The following MGAT4C variants were observed in gnomAD, a reference collection of about 807,000 sequenced individuals.
MGAT4C encodes the protein alpha-1,3-mannosyl-glycoprotein 4-beta-N-acetylglucosaminyltransferase C.
In MGAT4C, 19 loss-of-function variants were observed where a neutral mutation model predicts 40.1. That is an observed-to-expected ratio of 0.47 (90% CI 0.33 to 0.70). MGAT4C has a LOEUF of 0.70. Among genes scored for constraint, MGAT4C ranks in the 30% least tolerant of loss-of-function variants. The pLI is 0.02. For synonymous variants in MGAT4C, 181 were observed against 187.1 expected (o/e 0.97, Z 0.27); for missense variants, 491 against 563.2 (o/e 0.87, Z 1.30).
chr12:86,359,061 G>A (rs1357448909), intron 3 of MGAT4C, among the ~76,000 whole-genome samples: 1 of 152,092 alleles, frequency 6.6e-6, no homozygotes, highest in Non-Finnish European at 1.5e-5. Flanking sequence ...TTCCAAAATT[G>A]ACCACATAGT....
chr12:86,828,423 A>G (rs1952851181), intron 1 of MGAT4C, among the ~76,000 whole-genome samples: 1 of 151,482 alleles, frequency 6.6e-6, no homozygotes, highest in Non-Finnish European at 1.5e-5. Flanking sequence ...TACTTTCATA[A>G]CAAACTTTTA....
At chr12:86,109,952 T>A (rs1327378873) in intron 1 of MGAT4C, among the ~76,000 whole-genome samples, 2 of 151,202 alleles carry the variant, frequency 1.3e-5, no homozygotes, top group African/African-American at 4.9e-5. Context: ...GTGGGAAAGG[T>A]GCCTGGAGAA....
chr12:86,572,126 G>T (rs1450633458), intron 2 of MGAT4C, among the ~76,000 whole-genome samples: 2 of 152,164 alleles, frequency 1.3e-5, no homozygotes. Context: ...AAAATGGAGA[G>T]AATTTCTTAA....
intron 2 of MGAT4C, among the ~76,000 whole-genome samples, chr12:86,515,519 T>A (rs1958668213): frequency 2.0e-5 from 3 of 152,136 alleles, no homozygotes; most frequent in African/African-American, 7.2e-5. Context: ...TTTTTAAAAT[T>A]TCTATTTTAA....
At chr12:86,533,725 G>A (rs186890277) in intron 2 of MGAT4C, among the ~76,000 whole-genome samples, 1 of 151,054 alleles carries the variant, frequency 6.6e-6, no homozygotes, top group East Asian at 2.0e-4. Context: ...AAAATTCTAA[G>A]CCACACAATT....
chr12:86,526,200 C>T (rs1452351037), intron 2 of MGAT4C, among the ~76,000 whole-genome samples: 2 of 152,030 alleles, frequency 1.3e-5, no homozygotes, highest in African/African-American at 2.4e-5. Context: ...ACTCCCATGG[C>T]AGTGTTGGTA....
chr12:86,784,505 A>AG (rs1163538470), intron 1 of MGAT4C, among the ~76,000 whole-genome samples: 1 of 152,138 alleles, frequency 6.6e-6, no homozygotes, highest in Non-Finnish European at 1.5e-5. Context: ...TATGTGAAAA[A>AG]GGTAATTAGA....
chr12:86,652,348 G>A (rs966287252), intron 2 of MGAT4C, among the ~76,000 whole-genome samples: 4 of 151,810 alleles, frequency 2.6e-5, no homozygotes, highest in Non-Finnish European at 4.4e-5. Context: ...CCCCTATGAC[G>A]GAAATCCAAA....
chr12:86,122,041 A>T (rs984837180), intron 1 of MGAT4C, among the ~76,000 whole-genome samples: 1 of 152,234 alleles, frequency 6.6e-6, no homozygotes, highest in African/African-American at 2.4e-5. Context: ...ATTGCTCAGA[A>T]ATAACTAAAA....
chr12:86,449,971 G>A (rs1957397305), intron 2 of MGAT4C, among the ~76,000 whole-genome samples: 1 of 152,176 alleles, frequency 6.6e-6, no homozygotes, highest in Non-Finnish European at 1.5e-5. Context: ...CATTAAGAAT[G>A]TGTTGGATAT....
chr12:86,142,396 T>G (rs1882958111), intron 1 of MGAT4C, among the ~76,000 whole-genome samples: 1 of 152,120 alleles, frequency 6.6e-6, no homozygotes, highest in African/African-American at 2.4e-5. Context: ...TTCATGTAAT[T>G]AAAGTGAGGT....
At chr12:86,315,240 T>TA (rs1293895100) in intron 4 of MGAT4C, among the ~76,000 whole-genome samples, 2 of 151,618 alleles carry the variant, frequency 1.3e-5, no homozygotes, top group African/African-American at 4.8e-5. Flanking sequence ...TTGACAAAGT[T>TA]AAAAAAAATA....
intron 1 of MGAT4C, among the ~76,000 whole-genome samples, chr12:86,776,329 C>T (rs182451838): frequency 6.6e-6 from 1 of 151,422 alleles, no homozygotes; most frequent in East Asian, 1.9e-4. Context: ...TTTAATGTTA[C>T]TAAAACTTAA....
intron 1 of MGAT4C, among the ~76,000 whole-genome samples, chr12:86,179,900 T>G (rs574522769): frequency 6.6e-6 from 1 of 152,274 alleles, no homozygotes; most frequent in East Asian, 1.9e-4. Flanking sequence ...GCTGCAGAAA[T>G]TTGCATAAGT....
chr12:86,643,053 G>A (rs1963436173), intron 2 of MGAT4C, among the ~76,000 whole-genome samples: 1 of 151,714 alleles, frequency 6.6e-6, no homozygotes, highest in South Asian at 2.1e-4. Flanking sequence ...TGCTGTTACA[G>A]CAGAATACTA....
intron 2 of MGAT4C, among the ~76,000 whole-genome samples, chr12:86,585,527 T>C (rs1420012757): frequency 6.6e-6 from 1 of 151,268 alleles, no homozygotes; most frequent in African/African-American, 2.4e-5. Flanking sequence ...AATGGGAAAA[T>C]GTTATTGATG....
chr12:86,727,413 T>C (rs1950839713), intron 1 of MGAT4C, among the ~76,000 whole-genome samples: 1 of 152,132 alleles, frequency 6.6e-6, no homozygotes, highest in African/African-American at 2.4e-5. Context: ...CCCTGGTAAG[T>C]AGCTGGCAAG....
At chr12:86,085,119 T>A (rs1871521992) in intron 1 of MGAT4C, among the ~76,000 whole-genome samples, 1 of 152,060 alleles carries the variant, frequency 6.6e-6, no homozygotes, top group Non-Finnish European at 1.5e-5. Context: ...TAGTTTATTT[T>A]TTATTTATTT....
At chr12:86,410,591 C>T (rs894610475) in intron 3 of MGAT4C, among the ~76,000 whole-genome samples, 2 of 152,226 alleles carry the variant, frequency 1.3e-5, no homozygotes, top group African/African-American at 4.8e-5. Context: ...TGTTCAAACA[C>T]ACATGTTTTA....
Sources: allele counts gnomAD v4.1 joint callset (sites outside exome capture counted in the v4.1 genomes callset), GRCh38; gene constraint gnomAD v4.1.1; transcripts MANE v1.5; gene names NCBI Gene and HGNC (gene_info 2026-07-23, HGNC 2026-07-21).